The following TOX variants were observed in gnomAD, a reference collection of about 807,000 sequenced individuals.
TOX encodes the protein thymocyte selection associated high mobility group box.
Under a neutral mutation model 53.7 loss-of-function variants are expected in TOX, and 11 were observed. That is an observed-to-expected ratio of 0.20 (90% confidence interval 0.13 to 0.34). TOX has a LOEUF of 0.34. Ranked by LOEUF, TOX falls within the 10% of genes least tolerant of loss-of-function variation. The pLI, the probability that TOX is intolerant of heterozygous loss-of-function variation, is 1.00. For synonymous variants in TOX, 225 were observed against 245.3 expected (o/e 0.92, Z 0.77); for missense variants, 570 against 664.6 (o/e 0.86, Z 1.56).
In TOX at chr8:59,118,851, C is replaced by A. The variant is rs1324535797; in HGVS notation, c.102+35G>T. 6 of 1,523,496 alleles carry A rather than the reference C, an allele frequency of 3.9e-6. No individual in the cohort carries two copies. The Admixed American group carries it at 5.7e-5, about 14-fold the overall frequency. 94.4% of individuals were successfully genotyped at this position (1,523,496 alleles called of 1,614,324 possible). On this transcript the variant is annotated intron_variant, in intron 1 of 8. Coordinates refer to ENST00000361421, the MANE Select transcript of TOX (RefSeq NM_014729.3). The surrounding 1 kb of genome is among the most constrained non-coding windows in gnomAD (Gnocchi z 4.1). Reference sequence around the variant, plus strand: ...CCGCTCCCCTCCCAGGATCAAGCAGCAAGAACACGGTGGAAACAAAAGCAG... The same window carrying A: ...CCGCTCCCCTCCCAGGATCAAGCAGAAAGAACACGGTGGAAACAAAAGCAG...
Position 59,119,113 on chromosome 8 carries a change from C to A in TOX, c.-126G>T. 1.7e-6 allele frequency: 1 copy of A among 580,228 alleles called. No individual in the cohort carries two copies. The highest frequency in any genetic ancestry group is 2.1e-5 in the South Asian group (1 of 46,998). 35.9% of individuals were successfully genotyped at this position (580,228 alleles called of 1,614,324 possible). ...GGAGTAAAAGAAACACCTTCCTTCC[C>A]TCACATCCGTTTGTGGTTTGTTTAA... On this transcript the variant is annotated 5_prime_UTR_variant, in exon 1 of 9. In the 5' UTR this introduces an upstream ATG that the reference lacks. Transcript: ENST00000361421.
intron 1 of TOX, among the ~76,000 whole-genome samples, chr8:59,083,764 C>T (rs1186246393): frequency 3.3e-5 from 5 of 152,052 alleles, no homozygotes; most frequent in Non-Finnish European, 7.4e-5. Context: ...GAGAGAGAAA[C>T]GATAACTCAC....
intron 2 of TOX, among the ~76,000 whole-genome samples, chr8:58,940,989 T>C (rs1812428082): frequency 6.6e-6 from 1 of 152,160 alleles, no homozygotes; most frequent in Non-Finnish European, 1.5e-5. Context: ...AGGGGGTGTA[T>C]GAAGGGAAAA....
At chr8:59,107,418 T>C (rs893621728) in intron 1 of TOX, among the ~76,000 whole-genome samples, 4 of 152,140 alleles carry the variant, frequency 2.6e-5, no homozygotes, top group African/African-American at 4.8e-5. Context: ...CCCAGTAAAA[T>C]TGAATACAGG....
chr8:58,983,636 C>T (rs887994636), intron 1 of TOX, among the ~76,000 whole-genome samples: 1 of 152,156 alleles, frequency 6.6e-6, no homozygotes, highest in African/African-American at 2.4e-5. Context: ...AATAATTAAG[C>T]CATCCACCTT....
Position 58,819,029 on chromosome 8 carries a change from T to G in TOX, c.1006-3305A>C, listed in dbSNP as rs559554631. On this transcript the variant is annotated intron_variant, in intron 6 of 8. Transcript: ENST00000361421. ...CAGTCTAGTACAATAGACCATCTAT[T>G]AATTACAGAGTTATTTTATTGTTCT... 5.9e-5 allele frequency among the ~76,000 whole-genome samples: 9 copies of G among 152,374 alleles called. No homozygotes were observed. The East Asian group carries it at 1.7e-3, about 29-fold the overall frequency.
intron 2 of TOX, among the ~76,000 whole-genome samples, chr8:58,948,631 T>C (rs1367415133): frequency 6.6e-6 from 1 of 152,188 alleles, no homozygotes; most frequent in Non-Finnish European, 1.5e-5. Flanking sequence ...TAGATCATCT[T>C]CCATATTCAA....
At chr8:58,937,954 G>T (rs576411274) in intron 3 of TOX, among the ~76,000 whole-genome samples, 65 of 152,146 alleles carry the variant, frequency 4.3e-4, no homozygotes, top group Admixed American at 4.2e-3. Context: ...TACACATTTA[G>T]CACGTTAAAA....
rs1805113157 is a variant in TOX at position 59,117,086 on chromosome 8, T to A, written c.102+1800A>T. 6.6e-6 allele frequency among the ~76,000 whole-genome samples: 1 copy of A among 152,216 alleles called. No homozygotes were observed. The highest frequency in any genetic ancestry group is 1.5e-5 in the Non-Finnish European group (1 of 68,028). ...TCTTTTTGGGGCCTAAAATCACTGA[T>A]AAACTTAATAAGATTTGTCCAGTCT... is the stretch of plus-strand genomic sequence containing the variant. On this transcript the variant is annotated intron_variant, in intron 1 of 8. Transcript: ENST00000361421. The surrounding 1 kb of genome is among the most constrained non-coding windows in gnomAD (Gnocchi z 4.6).
At chr8:58,869,625 ACTC>A (rs1487832421) in intron 3 of TOX, among the ~76,000 whole-genome samples, 1 of 152,138 alleles carries the variant, frequency 6.6e-6, no homozygotes, top group Non-Finnish European at 1.5e-5. Context: ...CAAATGCAAA[ACTC>A]CTCAACAAAA....
intron 3 of TOX, among the ~76,000 whole-genome samples, chr8:58,921,710 C>T (rs7846273): frequency 0.01 from 1,576 of 152,324 alleles, 26 homozygotes; most frequent in African/African-American, 0.036. Context: ...ATTTGCCAAT[C>T]AACCAGATCT....
chr8:58,965,760 T>C (rs1812883889), intron 1 of TOX, among the ~76,000 whole-genome samples: 1 of 152,082 alleles, frequency 6.6e-6, no homozygotes, highest in Admixed American at 6.5e-5. Flanking sequence ...AAAATGGAAA[T>C]GTTTATAACA....
At chr8:58,896,620 A>G (rs1419376683) in intron 3 of TOX, among the ~76,000 whole-genome samples, 1 of 152,206 alleles carries the variant, frequency 6.6e-6, no homozygotes, top group Admixed American at 6.5e-5. Context: ...GGTTGCAGTG[A>G]GCCGAGATCA....
At chr8:58,929,539 C>T (rs1812224924) in intron 3 of TOX, among the ~76,000 whole-genome samples, 1 of 151,844 alleles carries the variant, frequency 6.6e-6, no homozygotes, top group African/African-American at 2.4e-5. Flanking sequence ...TAAAGCATTC[C>T]CATATGCTCT....
chr8:59,000,922 T>C (rs1563414408), intron 1 of TOX, among the ~76,000 whole-genome samples: 1 of 152,140 alleles, frequency 6.6e-6, no homozygotes, highest in African/African-American at 2.4e-5. Flanking sequence ...AGTTATGAAA[T>C]TTAAAGGTGC....
intron 5 of TOX, among the ~76,000 whole-genome samples, chr8:58,832,305 C>T (rs1015992727): frequency 1.5e-4 from 23 of 151,362 alleles, no homozygotes; most frequent in Admixed American, 8.6e-4. Context: ...TGAATATGGA[C>T]GGACTTTGCT....
chr8:58,870,408 T>C (rs1016213218), intron 3 of TOX, among the ~76,000 whole-genome samples: 3 of 152,090 alleles, frequency 2.0e-5, no homozygotes, highest in Non-Finnish European at 2.9e-5. Context: ...TAAATATAAA[T>C]AGATACCCTG....
chr8:58,942,417 T>C (rs775617581), intron 2 of TOX, among the ~76,000 whole-genome samples: 1 of 152,182 alleles, frequency 6.6e-6, no homozygotes, highest in Non-Finnish European at 1.5e-5. Context: ...TGGTAATAGC[T>C]AGTTATGTGG....
At chr8:58,877,792 C>T (rs551288946) in intron 3 of TOX, among the ~76,000 whole-genome samples, 1 of 151,990 alleles carries the variant, frequency 6.6e-6, no homozygotes, top group African/African-American at 2.4e-5. Context: ...CAAACACTTT[C>T]TAATCCCAGC....
Sources: gnomAD v4.1 joint callset for allele counts (sites outside exome capture counted in the v4.1 genomes callset) on GRCh38, gnomAD v4.1.1 for gene constraint, Gnocchi (gnomAD v3.1) non-coding constraint, MANE v1.5 for transcripts, NCBI Gene and HGNC (gene_info 2026-07-23, HGNC 2026-07-21) for gene names.